The following PDZD2 variants were observed in gnomAD, a reference collection of about 807,000 sequenced individuals.
PDZD2 encodes the protein PDZ domain-containing protein 2.
PDZD2 carries 90 observed loss-of-function variants against 220.7 expected under a neutral mutation model. The ratio of observed to expected loss-of-function variants is 0.41; its 90% CI spans 0.34 to 0.49. The LOEUF is 0.49. PDZD2 is among the 20% of genes least tolerant of loss of function. The pLI is 0.28. For synonymous variants in PDZD2, 1,375 were observed against 1,450.5 expected, an observed-to-expected ratio of 0.95 and a Z score of 1.18; for missense variants, 3,174 against 3,608.5, an observed-to-expected ratio of 0.88 and a Z score of 3.08.
chr5:31,681,006 C>T lies in PDZD2; in HGVS notation c.-361+41569C>T, dbSNP rs188999619. Among the ~76,000 whole-genome samples the T allele has an allele frequency of 7.9e-4, 120 of 152,232 alleles. 3 individuals carry two copies. The East Asian group carries it at 0.022, about 28-fold the overall frequency. On this transcript the variant is annotated intron_variant, in intron 1 of 24. Coordinates refer to ENST00000438447, the MANE Select transcript of PDZD2 (RefSeq NM_178140.4). ...GAATTCCTTCCCAAGATCCCCCCACCTACCCCCACCCAACTTTCTTGTCCT... is the reference window on the plus strand; with the variant it reads ...GAATTCCTTCCCAAGATCCCCCCACTTACCCCCACCCAACTTTCTTGTCCT...
At chr5:32,001,649 A>G (rs1347050718) in intron 5 of PDZD2, among the ~76,000 whole-genome samples, 2 of 152,168 alleles carry the variant, frequency 1.3e-5, no homozygotes, top group East Asian at 1.9e-4. Flanking sequence ...ATAGTGCCCA[A>G]TTCTGAGCCT....
At chr5:31,791,794 A>G (rs1406230836) in intron 1 of PDZD2, among the ~76,000 whole-genome samples, 2 of 152,138 alleles carry the variant, frequency 1.3e-5, no homozygotes, top group African/African-American at 4.8e-5. Context: ...TCAAGTCCTT[A>G]ACGTCTGCTT....
At chr5:31,765,017 C>T (rs184021584) in intron 1 of PDZD2, among the ~76,000 whole-genome samples, 1 of 151,950 alleles carries the variant, frequency 6.6e-6, no homozygotes, top group East Asian at 1.9e-4. Context: ...GTGGAGTTTG[C>T]AGTGAGCCGA....
intron 8 of PDZD2, among the ~76,000 whole-genome samples, chr5:32,050,027 G>A (rs548672226): frequency 6.6e-5 from 10 of 152,134 alleles, no homozygotes; most frequent in Non-Finnish European, 1.2e-4. Context: ...TCCACTTCCC[G>A]GGATCAAGCA....
intron 10 of PDZD2, among the ~76,000 whole-genome samples, chr5:32,057,439 T>C (rs1002493895): frequency 6.6e-6 from 1 of 152,242 alleles, no homozygotes; most frequent in East Asian, 1.9e-4. Context: ...GTTATTTTAA[T>C]TGAAGATTGA....
Position 32,090,294 on chromosome 5 carries a change from G to A in PDZD2, c.6846G>A (p.Pro2282=), listed in dbSNP as rs1365839168. The change falls in exon 20 of 25, where the codon CCG becomes CCA. Residue 2282 remains proline, a synonymous_variant. Transcript: ENST00000438447. The surrounding 1 kb of genome is among the most constrained non-coding windows in gnomAD (Gnocchi z 4.3). Reference sequence around the variant, plus strand: ...GACAGGGCATATATAGTGTAAAGCCGCTGCTGGACACATCGAGGAATCTTC... The same window carrying A: ...GACAGGGCATATATAGTGTAAAGCCACTGCTGGACACATCGAGGAATCTTC... ...ANGQGIYSVK[P]LLDTSRNLPA... 3.7e-6 allele frequency: 6 copies of A among 1,614,194 alleles called. No homozygotes were observed. The highest frequency in any genetic ancestry group is 5.1e-6 in the Non-Finnish European group (6 of 1,180,024).
chr5:31,692,164 G>A (rs1431564152), intron 1 of PDZD2, among the ~76,000 whole-genome samples: 3 of 152,244 alleles, frequency 2.0e-5, no homozygotes, highest in Non-Finnish European at 4.4e-5. Flanking sequence ...CTCGCGGGAA[G>A]GCAGCTAAGG....
chr5:31,743,177 CTTT>C (rs753388178), intron 1 of PDZD2, among the ~76,000 whole-genome samples: 4 of 142,846 alleles, frequency 2.8e-5, no homozygotes, highest in African/African-American at 5.1e-5. Flanking sequence ...ATTCTTTTTT[CTTT>C]TTTTTTTTTT....
At chr5:32,102,286 T>C (rs1744324871) in intron 24 of PDZD2, among the ~76,000 whole-genome samples, 1 of 151,798 alleles carries the variant, frequency 6.6e-6, no homozygotes, top group Non-Finnish European at 1.5e-5. Flanking sequence ...GCAGGGGCGC[T>C]GCAGACTCAG....
chr5:31,656,281 A>G (rs1158749564), intron 1 of PDZD2, among the ~76,000 whole-genome samples: 1 of 152,042 alleles, frequency 6.6e-6, no homozygotes, highest in Non-Finnish European at 1.5e-5. Context: ...GGAAAGTCTC[A>G]TTCCCTTTGA....
In PDZD2 at chr5:32,109,950, TAGAA is replaced by T. The variant is rs1489828803; in HGVS notation, c.*1818_*1821del. 6.6e-6 allele frequency: 1 copy of T among 152,654 alleles called. No homozygotes were observed. 9.5% of individuals were successfully genotyped at this position (152,654 alleles called of 1,614,324 possible). A position where few individuals can be genotyped will look rare whatever the true frequency, so the allele number is the denominator to read the frequency against. ...AGGAAAATATGGTACAGGAGTTAGT[TAGAA>T]AGGTCTTATTGATTTTACTTCTACT... On this transcript the variant is annotated 3_prime_UTR_variant, in exon 25 of 25. Coordinates refer to ENST00000438447, the MANE Select transcript of PDZD2 (RefSeq NM_178140.4).
chr5:31,765,899 TGGTGG>T (rs1336573738), intron 1 of PDZD2, among the ~76,000 whole-genome samples: 3 of 152,162 alleles, frequency 2.0e-5, no homozygotes, highest in Non-Finnish European at 2.9e-5. Context: ...AGACCAGGCG[TGGTGG>T]CTCATGCTTG....
At chr5:32,035,006 A>G (rs1755423240) in intron 6 of PDZD2, among the ~76,000 whole-genome samples, 1 of 152,202 alleles carries the variant, frequency 6.6e-6, no homozygotes, top group Non-Finnish European at 1.5e-5. Context: ...CAACAGATTT[A>G]TTACCTTTGT....
At position 31,861,385 on chromosome 5, in the gene PDZD2, A is replaced by G. The variant is rs190759541; in HGVS notation, c.476+61661A>G. Reference sequence around the variant, plus strand: ...GCTTATCTCCAAAAAGAGTTGAGGCAGACCGTGGGCTCACTCAGATTTGAG... The same window carrying G: ...GCTTATCTCCAAAAAGAGTTGAGGCGGACCGTGGGCTCACTCAGATTTGAG... On this transcript the variant is annotated intron_variant, in intron 2 of 24. Coordinates refer to ENST00000438447, the MANE Select transcript of PDZD2 (RefSeq NM_178140.4). 4.6e-5 allele frequency among the ~76,000 whole-genome samples: 7 copies of G among 152,368 alleles called. No individual in the cohort carries two copies. In the East Asian group the frequency reaches 1.3e-3, roughly 29 times the overall value.
Position 31,985,756 on chromosome 5 carries a change from A to G in PDZD2, c.978+2100A>G, listed in dbSNP as rs569896504. On this transcript the variant is annotated intron_variant, in intron 3 of 24. Transcript: ENST00000438447. ...CCTCTGCTTACCTTAATTAAACGTA[A>G]TAATACTATTAATAATAAATTTAAT... Among the ~76,000 whole-genome samples, 7 of 152,188 alleles carry G rather than the reference A, an allele frequency of 4.6e-5. No individual in the cohort carries two copies. The East Asian group carries it at 1.4e-3, about 29-fold the overall frequency.
rs1743812484 is a variant in PDZD2, at chr5:32,097,324, T to C, written c.7891T>C (p.Ser2631Pro). The part of the protein sequence containing the change: ...CFIVLNRKEG[S>P]GLGFSVAGGT... ...CATAGTCTTGAATAGAAAAGAAGGC[T>C]CAGGTCTGGGATTCAGTGTGGCAGG... Residue 2631 changes from serine to proline, a missense_variant, in exon 22 of 25, where the codon TCA (serine) becomes CCA (proline). Around this residue, in one of 4 missense-constraint regions of PDZD2, gnomAD observed 631 missense variants for 789.9 expected, o/e 0.80. Coordinates refer to ENST00000438447, the MANE Select transcript of PDZD2 (RefSeq NM_178140.4). 1 of 1,613,442 alleles carries C rather than the reference T, an allele frequency of 6.2e-7. No homozygotes were observed. The highest frequency in any genetic ancestry group is 1.1e-5 in the South Asian group (1 of 91,076).
chr5:31,850,477 C>A (rs901942397), intron 2 of PDZD2, among the ~76,000 whole-genome samples: 2 of 151,536 alleles, frequency 1.3e-5, no homozygotes, highest in African/African-American at 4.8e-5. Context: ...GAATAGAAGG[C>A]GTTTTCTAGC....
rs1561506945 is a variant in PDZD2, at chr5:31,849,907, TATATATATATACATATATATATATACAC to T, written c.476+50195_476+50222del. The stretch of plus-strand genomic sequence containing the variant: ...ATATATACACATATATATATATACA[TATATATATATACATATATATATATACAC>T]ATATATATATATACATATATATATA... On this transcript the variant is annotated intron_variant, in intron 2 of 24. Transcript: ENST00000438447. Among the ~76,000 whole-genome samples, 57 of 23,872 alleles carry T rather than the reference TATATATATATACATATATATATATACAC, an allele frequency of 2.4e-3. 10 individuals carry two copies. The highest frequency in any genetic ancestry group is 0.013 in the African/African-American group (55 of 4,310). 15.7% of individuals were successfully genotyped at this position (23,872 alleles called of 152,430 possible).
intron 2 of PDZD2, among the ~76,000 whole-genome samples, chr5:31,852,874 G>C (rs1758141276): frequency 6.6e-6 from 1 of 152,174 alleles, no homozygotes; most frequent in African/African-American, 2.4e-5. Flanking sequence ...TGGGATTACA[G>C]GCGTGAGCCA....
Sources: gnomAD v4.1 joint callset for allele counts (sites outside exome capture counted in the v4.1 genomes callset) on GRCh38, gnomAD v4.1.1 for gene constraint, gnomAD v4.1.1 regional missense constraint, Gnocchi (gnomAD v3.1) non-coding constraint, MANE v1.5 for transcripts, NCBI Gene and HGNC (gene_info 2026-07-23, HGNC 2026-07-21) for gene names.